The following FDFT1 variants were observed in gnomAD, a reference collection of about 807,000 sequenced individuals.
FDFT1 encodes the protein farnesyl-diphosphate farnesyltransferase 1, also known as squalene synthase.
In FDFT1, 68 loss-of-function variants were observed where a neutral mutation model predicts 46.8. The observed-to-expected ratio is 1.45, with a 90% CI of 1.19 to 1.78. The LOEUF (loss-of-function observed/expected upper bound fraction) is 1.78. Ranked by LOEUF, FDFT1 falls within the 40% of genes most tolerant of loss-of-function variation. FDFT1 has a pLI of 0.00. For synonymous variants in FDFT1, 351 were observed against 185.1 expected (o/e 1.90, Z -7.28); for missense variants, 928 against 524.4 (o/e 1.77, Z -7.52).
At chr8:11,808,708 A>C (rs945829762) in intron 1 of FDFT1, 86 bp from the exon 2 acceptor site, 4 of 1,440,876 alleles carry the variant, frequency 2.8e-6, no homozygotes, top group Non-Finnish European at 3.6e-6. Context: ...CGCCTGCCCC[A>C]GTCCCACTCC....
Position 11,821,832 on chromosome 8 carries a change from CAG to C in FDFT1, c.467_468del (p.Glu156ValfsTer4). 1 of 1,613,644 alleles carries C rather than the reference CAG, an allele frequency of 6.2e-7. No individual in the cohort carries two copies. Among genetic ancestry groups the C allele is most frequent in the Non-Finnish European group, 8.5e-7 (1 of 1,179,652 alleles). The stretch of plus-strand genomic sequence containing the variant: ...TGCCGGAGAATGGGCATTGGGATGG[CAG>C]AGTTTTTGGATAAGCATGTGACCTC... On this transcript the variant is annotated frameshift_variant, in exon 4 of 8. Coordinates refer to ENST00000220584, the MANE Select transcript of FDFT1 (RefSeq NM_004462.5). LOFTEE classifies it high-confidence loss of function.
intron 7 of FDFT1, among the ~76,000 whole-genome samples, chr8:11,833,388 T>C (rs1427192299): frequency 2.0e-5 from 3 of 152,220 alleles, no homozygotes; most frequent in East Asian, 1.9e-4. Context: ...CCTTTCTAAA[T>C]GGAATCCTGC....
intron 3 of FDFT1, among the ~76,000 whole-genome samples, chr8:11,817,351 C>T (rs1808599656): frequency 6.6e-6 from 1 of 152,162 alleles, no homozygotes; most frequent in Admixed American, 6.5e-5. Context: ...GTTTGTCTGC[C>T]AGGCTTTGGT....
intron 3 of FDFT1, among the ~76,000 whole-genome samples, chr8:11,815,403 T>C (rs1038529514): frequency 2.6e-5 from 4 of 152,316 alleles, no homozygotes; most frequent in African/African-American, 9.6e-5. Flanking sequence ...GATTGCTGGG[T>C]CAAATGGTAT....
intron 1 of FDFT1, among the ~76,000 whole-genome samples, chr8:11,806,888 T>G (rs1806914755): frequency 6.6e-6 from 1 of 152,214 alleles, no homozygotes. Flanking sequence ...ACGCTGAAGT[T>G]TACTAATATT....
At chr8:11,822,029 A>T in intron 4 of FDFT1, 151 bp downstream of exon 4, 1 of 905,644 alleles carries the variant, frequency 1.1e-6, no homozygotes, top group Non-Finnish European at 1.6e-6. Flanking sequence ...CATCATAAAC[A>T]GTTTATTCCA....
chr8:11,795,976 C>G (rs1474112933), exon 1 of FDFT1: 1 of 152,244 alleles, frequency 6.6e-6, no homozygotes, highest in East Asian at 1.9e-4. Context: ...AAGAACCAAC[C>G]AATTCCGGAC....
intron 1 of FDFT1, chr8:11,803,257 C>A (rs955707991): frequency 3.7e-6 from 5 of 1,354,314 alleles, no homozygotes; most frequent in Non-Finnish European, 4.8e-6. Flanking sequence ...ACATCTGAGG[C>A]AATGTGGGTG....
chr8:11,795,758 C>G (rs533248926), exon 1 of FDFT1: 1 of 152,308 alleles, frequency 6.6e-6, no homozygotes, highest in Non-Finnish European at 1.5e-5. Context: ...AAACAAACAA[C>G]TCCAGACGCG....
intron 3 of FDFT1, among the ~76,000 whole-genome samples, chr8:11,811,331 A>G (rs1807681801): frequency 6.6e-6 from 1 of 152,242 alleles, no homozygotes; most frequent in Non-Finnish European, 1.5e-5. Flanking sequence ...CTTAAAAACA[A>G]CTAATATTAT....
rs377630251 is a variant in FDFT1 at position 11,808,916 on chromosome 8, G to C, written c.197+25G>C. 3.1e-6 allele frequency: 5 copies of C among 1,608,038 alleles called. No individual in the cohort carries two copies. In the African/African-American group the frequency reaches 6.7e-5, roughly 21 times the overall value. On this transcript the variant is annotated intron_variant, in intron 2 of 7. Transcript: ENST00000220584. ...GGTGAGTGATGGAGGCAGCGCCTCT[G>C]GCTTGGAGGAAAGCTTGTCCGGGAC...
chr8:11,807,143 C>T (rs1447536121), intron 1 of FDFT1, among the ~76,000 whole-genome samples: 2 of 151,990 alleles, frequency 1.3e-5, no homozygotes, highest in Admixed American at 6.6e-5. Flanking sequence ...TTTAACCACT[C>T]CTATTGGATA....
intron 4 of FDFT1, among the ~76,000 whole-genome samples, chr8:11,822,609 T>C (rs1362624972): frequency 6.6e-6 from 1 of 151,958 alleles, no homozygotes; most frequent in Non-Finnish European, 1.5e-5. Flanking sequence ...AGCCCAGGAG[T>C]TAGACACAAG....
At chr8:11,807,325 ATTTTTTAAAAAC>A (rs6150467) in intron 1 of FDFT1, among the ~76,000 whole-genome samples, 84,375 of 151,672 alleles carry the variant, frequency 0.56, 24,096 homozygotes, top group East Asian at 0.69. Context: ...TTTTTAAAAA[ATTTTTTAAAAAC>A]TTTTTTATGA....
At chr8:11,838,367 T>G (rs2130922289) in intron 7 of FDFT1, 21 bp from the exon 8 acceptor site, 2 of 1,596,674 alleles carry the variant, frequency 1.3e-6, no homozygotes, top group African/African-American at 1.3e-5. Context: ...CACTTATCAT[T>G]TTTTCCTGTG....
In FDFT1 at chr8:11,838,855, G is replaced by C. The variant is rs530290897; in HGVS notation, c.*246G>C. The C allele has an allele frequency of 1.8e-5, 9 of 513,084 alleles. No homozygotes were observed. The highest frequency in any genetic ancestry group is 1.3e-4 in the African/African-American group (7 of 51,922). 31.8% of individuals were successfully genotyped at this position (513,084 alleles called of 1,614,324 possible). A position where few individuals can be genotyped will look rare whatever the true frequency, so the allele number is the denominator to read the frequency against. On this transcript the variant is annotated 3_prime_UTR_variant, in exon 8 of 8. Transcript: ENST00000220584. ...ACTGTGCTGCTTGTGGCTCATGGCA[G>C]AGCATTCAGTGCCACGGTTTAGGTG...
At position 11,831,713 on chromosome 8, in the gene FDFT1, T is replaced by G. The variant is rs768095402; in HGVS notation, c.1032+43T>G. On this transcript the variant is annotated intron_variant, in intron 7 of 7. Coordinates refer to ENST00000220584, the MANE Select transcript of FDFT1 (RefSeq NM_004462.5). ...TACTTGGATAATTTGTAGCTACTTT[T>G]ATGATTTAGTAATGTCACTGTTTAA... The G allele has an allele frequency of 4.7e-6, 7 of 1,491,674 alleles. No homozygotes were observed. The South Asian group carries it at 6.8e-5, about 14-fold the overall frequency. 92.4% of individuals were successfully genotyped at this position (1,491,674 alleles called of 1,614,324 possible).
At chr8:11,816,359 T>G (rs1808449703) in intron 3 of FDFT1, among the ~76,000 whole-genome samples, 1 of 152,224 alleles carries the variant, frequency 6.6e-6, no homozygotes. Context: ...AGGCTCTTTT[T>G]TGCTTCCATG....
chr8:11,801,870 T>C, upstream of FDFT1: 1 of 440,002 alleles, frequency 2.3e-6, no homozygotes, highest in South Asian at 1.6e-5. Context: ...TTTTGTATTT[T>C]TAGTAGAGAC....
Sources: gnomAD v4.1 joint callset for allele counts (sites outside exome capture counted in the v4.1 genomes callset) on GRCh38, gnomAD v4.1.1 for gene constraint, MANE v1.5 for transcripts, NCBI Gene and HGNC (gene_info 2026-07-23, HGNC 2026-07-21) for gene names.